LSM4: variants seen among roughly 807,000 people sequenced by gnomAD.
LSM4 encodes the protein LSM4 homolog, U6 small nuclear RNA and mRNA degradation associated.
A neutral mutation model predicts 22.3 loss-of-function variants in LSM4; 15 were observed. That is an observed-to-expected ratio of 0.67 (90% confidence interval 0.45 to 1.03). The LOEUF is 1.03. Among genes scored for constraint, LSM4 ranks in the 50% least tolerant of loss-of-function variants. The pLI, the probability that LSM4 is intolerant of heterozygous loss-of-function variation, is 0.00. For missense variants in LSM4, 127 were observed against 198.0 expected (o/e 0.64, Z 2.15); for synonymous variants, 90 against 79.8 (o/e 1.13, Z -0.68).
At position 18,309,710 on chromosome 19, in the gene LSM4, T is replaced by TG. The variant is rs746224061; in HGVS notation, c.295dup (p.Gln99ProfsTer90). On this transcript the variant is annotated frameshift_variant, in exon 4 of 5. Coordinates refer to ENST00000593829, the MANE Select transcript of LSM4 (RefSeq NM_012321.5). LOFTEE classifies it high-confidence loss of function. ...AGCGCCGCCCATGCCGCGGCCTTTC[T>TG]GCTGCTTCTGCTGCTGCAGGCCTCC... 14 of 1,610,568 alleles carry TG rather than the reference T, an allele frequency of 8.7e-6. No individual in the cohort carries two copies. The highest frequency in any genetic ancestry group is 1.2e-5 in the Non-Finnish European group (14 of 1,178,848).
At position 18,310,235 on chromosome 19, in the gene LSM4, C is replaced by T. The variant is rs188327833; in HGVS notation, c.145-374G>A. ...TTCACCTGCAGCCCAAAGCCCAGAG[C>T]GGGTGGGGGCCTCCCTGTGCACCAG... On this transcript the variant is annotated intron_variant, in intron 3 of 4. Transcript: ENST00000593829. The T allele has an allele frequency of 6.6e-4, 169 of 255,938 alleles. 1 individual carries two copies. Among genetic ancestry groups the T allele is most frequent in the African/African-American group, 3.3e-3 (143 of 43,924 alleles). 15.9% of individuals were successfully genotyped at this position (255,938 alleles called of 1,614,324 possible).
intron 3 of LSM4, among the ~76,000 whole-genome samples, chr19:18,310,973 C>T (rs906052809): frequency 3.9e-5 from 6 of 152,194 alleles, no homozygotes; most frequent in Admixed American, 6.5e-5. Flanking sequence ...CTTACCTGCC[C>T]GAATCCCCAA....
intron 1 of LSM4, among the ~76,000 whole-genome samples, chr19:18,318,381 C>T (rs1324537175): frequency 6.6e-6 from 1 of 152,212 alleles, no homozygotes. Flanking sequence ...ACTTCCTGCA[C>T]CGGCTTCCTG....
At chr19:18,309,935 T>TGCAGATCCTGCCCA in intron 3 of LSM4, 74 bp from the exon 4 acceptor site, 1 of 1,443,012 alleles carries the variant, frequency 6.9e-7, no homozygotes, top group Non-Finnish European at 9.5e-7. Flanking sequence ...CGGGAGGCCC[T>TGCAGATCCTGCCCA]GCAGATCCTG....
rs201091476 is a variant in LSM4, at chr19:18,307,454, G to A, written c.*10C>T. ...CAGGAGGGGGCGCAGCAGCCGGTCTGGGTGGGCGCTCACTGTTTGCCCGCC... is the reference window on the plus strand; with the variant it reads ...CAGGAGGGGGCGCAGCAGCCGGTCTAGGTGGGCGCTCACTGTTTGCCCGCC... On this transcript the variant is annotated 3_prime_UTR_variant, in exon 5 of 5. Coordinates refer to ENST00000593829, the MANE Select transcript of LSM4 (RefSeq NM_012321.5). 1.3e-3 allele frequency: 1,933 copies of A among 1,526,508 alleles called. 6 individuals are homozygous for A. Among genetic ancestry groups the A allele is most frequent in the Non-Finnish European group, 1.3e-3 (1,459 of 1,138,578 alleles). 94.6% of individuals were successfully genotyped at this position (1,526,508 alleles called of 1,614,324 possible).
intron 1 of LSM4, among the ~76,000 whole-genome samples, chr19:18,322,304 C>G (rs1253431339): frequency 6.6e-6 from 1 of 152,186 alleles, no homozygotes; most frequent in East Asian, 1.9e-4. Context: ...AATTCCTTTT[C>G]CGATCTGCAC....
chr19:18,308,410 A>G (rs1970257540), intron 4 of LSM4, among the ~76,000 whole-genome samples: 1 of 152,156 alleles, frequency 6.6e-6, no homozygotes, highest in Non-Finnish European at 1.5e-5. Context: ...CCGTTTAGGG[A>G]GCCGTTTCAG....
intron 4 of LSM4, among the ~76,000 whole-genome samples, chr19:18,307,895 G>A (rs1970248671): frequency 6.6e-6 from 1 of 151,694 alleles, no homozygotes; most frequent in Non-Finnish European, 1.5e-5. Flanking sequence ...GAGGAGGTAG[G>A]AGAGGCGTGG....
chr19:18,321,903 T>C (rs1970428491), intron 1 of LSM4, among the ~76,000 whole-genome samples: 1 of 152,144 alleles, frequency 6.6e-6, no homozygotes, highest in Non-Finnish European at 1.5e-5. Flanking sequence ...CCCCACTTCC[T>C]GAGCCCCTAC....
chr19:18,309,809 A>G lies in LSM4; in HGVS notation c.197T>C (p.Ile66Thr), dbSNP rs374309423. ...MPECYIRGSTIKYLRIPDEII... is the reference protein window; with the variant it reads ...MPECYIRGSTTKYLRIPDEII... ...CTCGTCGGGGATGCGCAGGTACTTG[A>G]TGGTGCTGCCGCGGATGTAGCACTC... The change falls in exon 4 of 5, where the codon ATC (isoleucine) becomes ACC (threonine). Residue 66 changes from isoleucine (I) to threonine (T), a missense_variant. Transcript: ENST00000593829. The G allele has an allele frequency of 1.5e-5, 25 of 1,613,672 alleles. No individual in the cohort carries two copies. The highest frequency in any genetic ancestry group is 1.8e-5 in the Non-Finnish European group (21 of 1,179,906).
Position 18,312,592 on chromosome 19 carries a change from T to G in LSM4, c.144+12A>C. The G allele has an allele frequency of 1.9e-6, 3 of 1,607,720 alleles. No homozygotes were observed. The highest frequency in any genetic ancestry group is 1.7e-6 in the Non-Finnish European group (2 of 1,175,386). ...CCTGCATCCCACCCCCGTTGGTGGG[T>G]GCAGCACCCACCCTGGACGTGCAGA... On this transcript the variant is annotated intron_variant, in intron 3 of 4. Transcript: ENST00000593829.
intron 4 of LSM4, 71 bp downstream of exon 4, chr19:18,309,607 C>A (rs113396094): frequency 6.7e-6 from 10 of 1,486,788 alleles, no homozygotes; most frequent in Non-Finnish European, 9.0e-6. Context: ...AAGGGCAACC[C>A]CAAGAAGGAG....
At chr19:18,321,608 A>C (rs1472819349) in intron 1 of LSM4, among the ~76,000 whole-genome samples, 1 of 152,234 alleles carries the variant, frequency 6.6e-6, no homozygotes, top group Non-Finnish European at 1.5e-5. Flanking sequence ...AATAAGCTAC[A>C]AGATTAGAAA....
chr19:18,310,993 TCAGA>T (rs780111990), intron 3 of LSM4, among the ~76,000 whole-genome samples: 25 of 152,184 alleles, frequency 1.6e-4, no homozygotes, highest in African/African-American at 1.9e-4. Flanking sequence ...AGTCCTCCTG[TCAGA>T]CACTCTCCTC....
chr19:18,316,656 G>A (rs1014783601), intron 1 of LSM4, among the ~76,000 whole-genome samples: 1 of 152,090 alleles, frequency 6.6e-6, no homozygotes, highest in Admixed American at 6.6e-5. Context: ...CCTAATGCTT[G>A]TATTTTAAGC....
At position 18,307,044 on chromosome 19, in the gene LSM4, G is replaced by GCGCC. The variant is rs1409652398; in HGVS notation, c.*416_*419dup. ...TTGTTTTGAAGGCAATTTTGGGGCC[G>GCGCC]CGCCCAAGGAAACCCTGCAGGCTGT... On this transcript the variant is annotated 3_prime_UTR_variant, in exon 5 of 5. Transcript: ENST00000593829. 1 of 167,062 alleles carries GCGCC rather than the reference G, an allele frequency of 6.0e-6. No homozygotes were observed. Among genetic ancestry groups the GCGCC allele is most frequent in the African/African-American group, 2.4e-5 (1 of 42,128 alleles). The allele number at this position is 167,062 out of a possible 1,614,324, so 10.3% of individuals were successfully genotyped here.
At chr19:18,319,999 T>A (rs923947670) in intron 1 of LSM4, among the ~76,000 whole-genome samples, 1 of 152,098 alleles carries the variant, frequency 6.6e-6, no homozygotes, top group East Asian at 1.9e-4. Context: ...CAGGGAGGCA[T>A]GCAGGGAAGG....
At chr19:18,308,785 C>T (rs985425930) in intron 4 of LSM4, among the ~76,000 whole-genome samples, 7 of 152,226 alleles carry the variant, frequency 4.6e-5, no homozygotes, top group Admixed American at 6.5e-5. Context: ...CAGAGGCCAA[C>T]GCTGGCCTGG....
At chr19:18,315,455 G>T (rs1378828013) in intron 2 of LSM4, among the ~76,000 whole-genome samples, 2 of 151,694 alleles carry the variant, frequency 1.3e-5, no homozygotes, top group Non-Finnish European at 2.9e-5. Context: ...CCAACCTGAA[G>T]TTCTTTTTAT....
Sources: gnomAD v4.1 joint callset for allele counts (sites outside exome capture counted in the v4.1 genomes callset) on GRCh38, gnomAD v4.1.1 for gene constraint, MANE v1.5 for transcripts, NCBI Gene and HGNC (gene_info 2026-07-23, HGNC 2026-07-21) for gene names.